The following HECW2 variants were observed in gnomAD, a reference collection of about 807,000 sequenced individuals.
The protein encoded by HECW2 is E3 ubiquitin-protein ligase HECW2.
Under a neutral mutation model 175.2 loss-of-function variants are expected in HECW2, and 61 were observed. The observed-to-expected ratio is 0.35, with a 90% CI of 0.28 to 0.43. HECW2 has a LOEUF of 0.43. Among genes scored for constraint, HECW2 ranks in the 20% least tolerant of loss-of-function variants. The pLI, the probability that HECW2 is intolerant of heterozygous loss-of-function variation, is 1.00. For synonymous variants in HECW2, 671 were observed against 731.0 expected (o/e 0.92, Z 1.32); for missense variants, 1,524 against 2,000.5 (o/e 0.76, Z 4.54).
At chr2:196,457,039 T>A (rs1696539804) in intron 1 of HECW2, among the ~76,000 whole-genome samples, 1 of 152,164 alleles carries the variant, frequency 6.6e-6, no homozygotes, top group African/African-American at 2.4e-5. Context: ...AGAAGGAGCA[T>A]CCAAATTAAG....
intron 2 of HECW2, among the ~76,000 whole-genome samples, chr2:196,356,408 C>A (rs1238682659): frequency 6.6e-6 from 1 of 152,172 alleles, no homozygotes; most frequent in African/African-American, 2.4e-5. Context: ...ATGGAAAATT[C>A]CAGAAACAAA....
chr2:196,199,420 C>T lies in HECW2; in HGVS notation c.*1857G>A, dbSNP rs10782. 2,183 of 152,538 alleles carry T rather than the reference C, an allele frequency of 0.014. 21 individuals carry two copies. Among genetic ancestry groups the T allele is most frequent in the Admixed American group, 0.022 (343 of 15,274 alleles). The allele number at this position is 152,538 out of a possible 1,614,324, so 9.4% of individuals were successfully genotyped here. A position where few individuals can be genotyped will look rare whatever the true frequency, so the allele number is the denominator to read the frequency against. ...CAGAACATTTCTTCACACTGCAGTA[C>T]GTGCCTTTAGTGCAGGAGTGTAACA... On this transcript the variant is annotated 3_prime_UTR_variant, in exon 29 of 29. Transcript: ENST00000644978.
chr2:196,485,302 T>C (rs547799694), intron 1 of HECW2, among the ~76,000 whole-genome samples: 1 of 152,264 alleles, frequency 6.6e-6, no homozygotes, highest in South Asian at 2.1e-4. Context: ...AAAAGAAGAA[T>C]ATCAGGTCAA....
At chr2:196,340,241 G>A (rs897225901) in intron 3 of HECW2, among the ~76,000 whole-genome samples, 4 of 152,100 alleles carry the variant, frequency 2.6e-5, no homozygotes, top group African/African-American at 9.7e-5. Flanking sequence ...CAGCTCCAGA[G>A]ATTCAACCAA....
intron 1 of HECW2, among the ~76,000 whole-genome samples, chr2:196,526,861 A>G (rs1688674005): frequency 6.6e-6 from 1 of 152,060 alleles, no homozygotes; most frequent in African/African-American, 2.4e-5. Context: ...GCGTGCTGGG[A>G]GAACCACTGC....
intron 16 of HECW2, 77 bp from the exon 17 acceptor site, chr2:196,271,366 T>TG (rs1324197956): frequency 1.9e-6 from 2 of 1,046,118 alleles, no homozygotes; most frequent in East Asian, 5.2e-5. Context: ...TCCAAACCTG[T>TG]GTGCCCCACC....
chr2:196,272,257 C>A (rs1689767894), intron 16 of HECW2, among the ~76,000 whole-genome samples: 2 of 152,186 alleles, frequency 1.3e-5, no homozygotes, highest in Admixed American at 1.3e-4. Flanking sequence ...AGCTACAACA[C>A]AATCATCATC....
In HECW2 at chr2:196,318,790, G is replaced by A. The variant is rs370449087; in HGVS notation, c.2100C>T (p.Ser700=). The A allele has an allele frequency of 1.7e-5, 26 of 1,527,536 alleles. No individual in the cohort carries two copies. The highest frequency in any genetic ancestry group is 2.1e-5 in the Non-Finnish European group (24 of 1,136,408). 94.6% of individuals were successfully genotyped at this position (1,527,536 alleles called of 1,614,324 possible). Residue 700 remains serine, a synonymous_variant, in exon 9 of 29, where the codon TCC becomes TCT. Coordinates refer to ENST00000644978, the MANE Select transcript of HECW2 (RefSeq NM_001348768.2). ...SSGPAEGSQE[S]VCTAGSLPVV... ...CAGGTAAAGAACCAGCAGTGCACAC[G>A]GATTCCTGCGACCCTTCGGCAGGGC...
intron 2 of HECW2, among the ~76,000 whole-genome samples, chr2:196,368,936 G>A (rs1038567193): frequency 6.6e-6 from 1 of 152,066 alleles, no homozygotes; most frequent in Non-Finnish European, 1.5e-5. Flanking sequence ...TTCTCTGTCT[G>A]ACTGACCACA....
chr2:196,492,384 T>G (rs1172145121), intron 1 of HECW2, among the ~76,000 whole-genome samples: 2 of 152,106 alleles, frequency 1.3e-5, no homozygotes, highest in Admixed American at 1.3e-4. Context: ...ATCTCCAATG[T>G]AAGTTACTCC....
intron 2 of HECW2, among the ~76,000 whole-genome samples, chr2:196,387,862 T>C (rs577222712): frequency 6.6e-6 from 1 of 152,320 alleles, no homozygotes; most frequent in South Asian, 2.1e-4. Flanking sequence ...TTTGGGAATA[T>C]CATTTAGCAA....
chr2:196,588,928 A>C (rs979982903), intron 1 of HECW2, among the ~76,000 whole-genome samples: 1 of 152,166 alleles, frequency 6.6e-6, no homozygotes, highest in Non-Finnish European at 1.5e-5. Flanking sequence ...TAGGCCGGTC[A>C]CGGTGGCTCA....
chr2:196,358,614 A>AAAAAAAAAAAAAAAC (rs1693472350), intron 2 of HECW2, among the ~76,000 whole-genome samples: 1 of 146,186 alleles, frequency 6.8e-6, no homozygotes, highest in African/African-American at 2.5e-5. Flanking sequence ...AAAAAAAAAA[A>AAAAAAAAAAAAAAAC]AAAGAAACTC....
Position 196,526,832 on chromosome 2 carries a change from A to C in HECW2, c.-36+66676T>G, listed in dbSNP as rs539164596. On this transcript the variant is annotated intron_variant, in intron 1 of 28. Transcript: ENST00000644978. ...GACCCACTTGAGGAGGCAGTCTGCC[A>C]GTTCTCAGATCTCCAGCTGCGTGCT... 9.2e-4 allele frequency among the ~76,000 whole-genome samples: 139 copies of C among 151,814 alleles called. 1 individual carries two copies. Among genetic ancestry groups the C allele is most frequent in the Non-Finnish European group, 1.2e-3 (82 of 67,960 alleles).
chr2:196,274,616 G>T (rs1689871300), intron 15 of HECW2, among the ~76,000 whole-genome samples: 1 of 152,168 alleles, frequency 6.6e-6, no homozygotes, highest in South Asian at 2.1e-4. Flanking sequence ...CTTCATGTGG[G>T]GTTTCGAGTT....
intron 26 of HECW2, chr2:196,217,590 TA>T (rs1687523339): frequency 6.6e-6 from 1 of 152,498 alleles, no homozygotes; most frequent in Non-Finnish European, 1.5e-5. Context: ...CAAGCTCTCT[TA>T]AAAGCTATAT....
chr2:196,460,776 ATTT>A (rs201916150), intron 1 of HECW2, among the ~76,000 whole-genome samples: 2 of 116,086 alleles, frequency 1.7e-5, no homozygotes, highest in African/African-American at 5.8e-5. Flanking sequence ...ACACCTGGCA[ATTT>A]TTTTTTTTTT....
chr2:196,347,119 C>CT (rs1171841128), intron 2 of HECW2, among the ~76,000 whole-genome samples: 1 of 150,420 alleles, frequency 6.6e-6, no homozygotes, highest in African/African-American at 2.5e-5. Flanking sequence ...GTGGTGTTAT[C>CT]TAAGCTCACT....
intron 3 of HECW2, among the ~76,000 whole-genome samples, chr2:196,341,635 T>A (rs1377527912): frequency 2.0e-5 from 3 of 152,042 alleles, no homozygotes; most frequent in African/African-American, 7.2e-5. Context: ...TTCTGCTGAA[T>A]GTACCTACTT....
Sources: allele counts gnomAD v4.1 joint callset (sites outside exome capture counted in the v4.1 genomes callset), GRCh38; gene constraint gnomAD v4.1.1; transcripts MANE v1.5; gene names NCBI Gene and HGNC (gene_info 2026-07-23, HGNC 2026-07-21).